The following MLYCD variants were observed in gnomAD, a reference collection of about 807,000 sequenced individuals.
MLYCD encodes malonyl-CoA decarboxylase, mitochondrial.
MLYCD carries 27 observed loss-of-function variants against 35.8 expected under a neutral mutation model. That is an observed-to-expected ratio of 0.75 (90% CI 0.56 to 1.04). The LOEUF (loss-of-function observed/expected upper bound fraction) is 1.04. Ranked by LOEUF, MLYCD falls within the 50% of genes least tolerant of loss-of-function variation. The pLI is 0.00. For missense variants in MLYCD, 917 were observed against 665.1 expected (o/e 1.38, Z -4.17); for synonymous variants, 403 against 302.4 (o/e 1.33, Z -3.45).
In MLYCD at chr16:83,917,900, G is replaced by T. The variant is rs567067106; in HGVS notation, c.*2411G>T. ...CTGTGTCCTTCACCTGTGCTGTCTG[G>T]TTCTCTCCTGTGTGGACAGGGGATG... On this transcript the variant is annotated 3_prime_UTR_variant, in exon 5 of 5. Transcript: ENST00000262430. 60 of 152,346 alleles carry T rather than the reference G, an allele frequency of 3.9e-4. No homozygotes were observed. The highest frequency in any genetic ancestry group is 1.4e-3 in the African/African-American group (59 of 41,552). 9.4% of individuals were successfully genotyped at this position (152,346 alleles called of 1,614,324 possible).
chr16:83,904,333 G>A lies in MLYCD; in HGVS notation c.529-2654G>A, dbSNP rs1036120812. Among the ~76,000 whole-genome samples, 30 of 152,140 alleles carry A rather than the reference G, an allele frequency of 2.0e-4. 1 individual carries two copies. Among genetic ancestry groups the A allele is most frequent in the African/African-American group, 6.8e-4 (28 of 41,418 alleles). On this transcript the variant is annotated intron_variant, in intron 1 of 4. Coordinates refer to ENST00000262430, the MANE Select transcript of MLYCD (RefSeq NM_012213.3). ...AGGAGTCCATGTACCCCAGGAAAAC[G>A]TATGCACAATTTTACTAATGTATTT...
chr16:83,915,014 A>T lies in MLYCD; in HGVS notation c.1007A>T (p.Lys336Ile). 1 of 1,614,244 alleles carries T rather than the reference A, an allele frequency of 6.2e-7. No homozygotes were observed. The highest frequency in any genetic ancestry group is 8.5e-7 in the Non-Finnish European group (1 of 1,180,044). ...CTGTCACCTATACCTGGTTTCACCA[A>T]ATGGCTTCTGGGGCTTCTGAACTCG... is the stretch of plus-strand genomic sequence containing the variant. ...SSLSPIPGFT[K>I]WLLGLLNSQT... The change falls in exon 5 of 5, where the codon AAA becomes ATA. Residue 336 changes from lysine (K) to isoleucine (I), a missense_variant. Coordinates refer to ENST00000262430, the MANE Select transcript of MLYCD (RefSeq NM_012213.3).
rs1387848231 is a variant in MLYCD at position 83,899,591 on chromosome 16, C to T, written c.447C>T (p.Gly149=). Residue 149 remains glycine (G), a synonymous_variant, in exon 1 of 5, where the codon GGC becomes GGT. Transcript: ENST00000262430. ...GLFHHISKLD[G]GVRFLVQLRA... Reference sequence around the variant, plus strand: ...TCCACCACATCAGCAAGCTGGACGGCGGCGTGCGCTTCCTGGTGCAGCTGC... The same window carrying T: ...TCCACCACATCAGCAAGCTGGACGGTGGCGTGCGCTTCCTGGTGCAGCTGC... The T allele has an allele frequency of 3.1e-6, 5 of 1,589,164 alleles. No homozygotes were observed. The highest frequency in any genetic ancestry group is 4.3e-6 in the Non-Finnish European group (5 of 1,175,974).
At chr16:83,901,405 G>T (rs1195129322) in intron 1 of MLYCD, among the ~76,000 whole-genome samples, 3 of 152,150 alleles carry the variant, frequency 2.0e-5, no homozygotes, top group Non-Finnish European at 4.4e-5. Flanking sequence ...GGGTGTCCTG[G>T]CATAAGACAC....
rs991606610 is a variant in MLYCD at position 83,915,678 on chromosome 16, T to G, written c.*189T>G. On this transcript the variant is annotated 3_prime_UTR_variant, in exon 5 of 5. Transcript: ENST00000262430. ...CACCCTGGGCGTGACATGCACCCAG[T>G]GCAAGACGGTTGTGGGTGCGGGTGC... 13 of 1,477,030 alleles carry G rather than the reference T, an allele frequency of 8.8e-6. No individual in the cohort carries two copies. Among genetic ancestry groups the G allele is most frequent in the Admixed American group, 4.4e-5 (2 of 45,764 alleles). 91.5% of individuals were successfully genotyped at this position (1,477,030 alleles called of 1,614,324 possible).
At chr16:83,906,953 A>G (rs748272350) in intron 1 of MLYCD, 34 bp from the exon 2 acceptor site, 3 of 1,570,578 alleles carry the variant, frequency 1.9e-6, no homozygotes, top group Non-Finnish European at 2.6e-6. Flanking sequence ...TCTGTCGCAC[A>G]TTGGAGGCCT....
In MLYCD at chr16:83,916,637, T is replaced by C. The variant is rs548709551; in HGVS notation, c.*1148T>C. On this transcript the variant is annotated 3_prime_UTR_variant, in exon 5 of 5. Transcript: ENST00000262430. ...GTCTCTGTGTGGATCAGTGCACGTCTGTGTGCGTGTGCACGAGCATCTCTG... is the reference window on the plus strand; with the variant it reads ...GTCTCTGTGTGGATCAGTGCACGTCCGTGTGCGTGTGCACGAGCATCTCTG... 1.4e-5 allele frequency: 2 copies of C among 140,738 alleles called. No homozygotes were observed. Among genetic ancestry groups the C allele is most frequent in the African/African-American group, 5.4e-5 (2 of 36,728 alleles). The allele number at this position is 140,738 out of a possible 1,614,324, so 8.7% of individuals were successfully genotyped here. A position where few individuals can be genotyped will look rare whatever the true frequency, so the allele number is the denominator to read the frequency against.
chr16:83,907,235 G>C (rs1907011608), intron 2 of MLYCD, 136 bp downstream of exon 2: 1 of 808,450 alleles, frequency 1.2e-6, no homozygotes, highest in African/African-American at 1.7e-5. Flanking sequence ...TCCAAACACA[G>C]TATTTGCAAA....
At chr16:83,907,437 G>A (rs539859838) in intron 2 of MLYCD, among the ~76,000 whole-genome samples, 17 of 152,292 alleles carry the variant, frequency 1.1e-4, no homozygotes, top group African/African-American at 4.1e-4. Flanking sequence ...TGGACCAAGC[G>A]TTTGCATTCG....
At position 83,920,560 on chromosome 16, in the gene MLYCD, G is replaced by C. The variant is rs576675182; in HGVS notation, c.*5071G>C. 1.3e-5 allele frequency: 2 copies of C among 152,150 alleles called. No individual in the cohort carries two copies. Among genetic ancestry groups the C allele is most frequent in the Non-Finnish European group, 2.9e-5 (2 of 68,062 alleles). 9.4% of individuals were successfully genotyped at this position (152,150 alleles called of 1,614,324 possible). On this transcript the variant is annotated 3_prime_UTR_variant, in exon 5 of 5. Coordinates refer to ENST00000262430, the MANE Select transcript of MLYCD (RefSeq NM_012213.3). The stretch of plus-strand genomic sequence containing the variant: ...GCCCTCGAATCTGCAAGGTCTCTCC[G>C]GGTGGCTGTGTTCTGCCAGGGCCTC...
In MLYCD at chr16:83,899,165, C is replaced by T. The variant is rs1386204574; in HGVS notation, c.21C>T (p.Gly7=). 3.5e-6 allele frequency: 4 copies of T among 1,159,386 alleles called. No homozygotes were observed. The highest frequency in any genetic ancestry group is 3.2e-6 in the Non-Finnish European group (3 of 944,380). The allele number at this position is 1,159,386 out of a possible 1,614,324, so 71.8% of individuals were successfully genotyped here. MRGFGP[G]LTARRLLPLR... ...GCACCATGCGAGGCTTCGGGCCAGGCTTGACGGCCAGGCGTCTCCTCCCGC... is the reference window on the plus strand; with the variant it reads ...GCACCATGCGAGGCTTCGGGCCAGGTTTGACGGCCAGGCGTCTCCTCCCGC... Residue 7 remains glycine, a synonymous_variant, in exon 1 of 5, where the codon GGC becomes GGT. Transcript: ENST00000262430.
chr16:83,909,539 G>C (rs1478566272), intron 3 of MLYCD, among the ~76,000 whole-genome samples: 1 of 151,874 alleles, frequency 6.6e-6, no homozygotes, highest in South Asian at 2.1e-4. Context: ...CTGTTGAGTA[G>C]TGCTCTGTGC....
chr16:83,900,129 C>A (rs112192905), intron 1 of MLYCD, among the ~76,000 whole-genome samples: 1 of 152,168 alleles, frequency 6.6e-6, no homozygotes, highest in African/African-American at 2.4e-5. Context: ...CCTGAGAAGT[C>A]CTGTGAAATG....
At position 83,901,257 on chromosome 16, in the gene MLYCD, T is replaced by C. The variant is rs371832453; in HGVS notation, c.528+1585T>C. On this transcript the variant is annotated intron_variant, in intron 1 of 4. Transcript: ENST00000262430. ...CAAGCCTAGTCTGAATAGCTGAGTT[T>C]TTCTGATCCACACTTGGACATAGTA... 2.4e-3 allele frequency among the ~76,000 whole-genome samples: 367 copies of C among 152,280 alleles called. 3 individuals are homozygous for C. The highest frequency in any genetic ancestry group is 8.3e-3 in the African/African-American group (345 of 41,538).
intron 1 of MLYCD, among the ~76,000 whole-genome samples, chr16:83,905,290 A>G (rs756823743): frequency 3.9e-4 from 59 of 151,846 alleles, no homozygotes; most frequent in Non-Finnish European, 7.2e-4. Flanking sequence ...TGTGTTCTTT[A>G]TGACCCTTGT....
In MLYCD at chr16:83,921,456, A is replaced by T. The variant is rs1006847078; in HGVS notation, c.*5967A>T. Reference sequence around the variant, plus strand: ...GATGGGTGGGTGGGTGGGTGGATGGATGGCGCAGGGTATATGGAAGGAAGA... The same window carrying T: ...GATGGGTGGGTGGGTGGGTGGATGGTTGGCGCAGGGTATATGGAAGGAAGA... On this transcript the variant is annotated 3_prime_UTR_variant, in exon 5 of 5. Transcript: ENST00000262430. 85 of 149,280 alleles carry T rather than the reference A, an allele frequency of 5.7e-4. 1 individual carries two copies. The highest frequency in any genetic ancestry group is 2.0e-3 in the African/African-American group (82 of 40,492). 9.2% of individuals were successfully genotyped at this position (149,280 alleles called of 1,614,324 possible). A position where few individuals can be genotyped will look rare whatever the true frequency, so the allele number is the denominator to read the frequency against.
rs936797466 is a variant in MLYCD, at chr16:83,918,583, G to C, written c.*3094G>C. Reference sequence around the variant, plus strand: ...ACACACGGTGCACAGAACACACACAGTGCACAGGAGAACACGCACAGTGCA... The same window carrying C: ...ACACACGGTGCACAGAACACACACACTGCACAGGAGAACACGCACAGTGCA... On this transcript the variant is annotated 3_prime_UTR_variant, in exon 5 of 5. Transcript: ENST00000262430. The C allele has an allele frequency of 1.0e-4, 13 of 124,088 alleles. No homozygotes were observed. The allele number at this position is 124,088 out of a possible 1,614,324, so 7.7% of individuals were successfully genotyped here.
At chr16:83,914,114 T>C (rs563600179) in intron 4 of MLYCD, 3 of 152,218 alleles carry the variant, frequency 2.0e-5, no homozygotes, top group Non-Finnish European at 4.4e-5. Flanking sequence ...ATGGTTTTAT[T>C]TTCTTCTGTC....
At chr16:83,914,656 G>C (rs896360473) in intron 4 of MLYCD, 3 of 437,600 alleles carry the variant, frequency 6.9e-6, no homozygotes, top group Middle Eastern at 6.8e-4. Flanking sequence ...GCGCGAGCCT[G>C]TGGTCCCAGC....
Sources: allele counts gnomAD v4.1 joint callset (sites outside exome capture counted in the v4.1 genomes callset), GRCh38; gene constraint gnomAD v4.1.1; transcripts MANE v1.5; gene names NCBI Gene and HGNC (gene_info 2026-07-23, HGNC 2026-07-21).